Variants in MTUS2 observed in about 807,000 individuals in gnomAD.
MTUS2 encodes the protein microtubule associated scaffold protein 2.
MTUS2 carries 40 observed loss-of-function variants against 114.1 expected under a neutral mutation model. That is an observed-to-expected ratio of 0.35 (90% confidence interval 0.27 to 0.46). MTUS2 has a LOEUF of 0.46. MTUS2 is among the 20% of genes least tolerant of loss of function. The pLI is 1.00. For missense variants in MTUS2, 1,679 were observed against 1,705.4 expected (o/e 0.98, Z 0.27); for synonymous variants, 688 against 672.0 (o/e 1.02, Z -0.37).
In MTUS2 at chr13:29,480,437, A is replaced by G; in HGVS notation, c.3399+73A>G. On this transcript the variant is annotated intron_variant, in intron 10 of 15. Transcript: ENST00000612955. This position sits in a 1 kb window ranked among gnomAD's most constrained non-coding sequence, Gnocchi z 4.4. ...GCGGGCGGCGGGGATCCAGTGCCAC[A>G]TTAGCAAGAAGTCCTATTCAGTAGG... The G allele has an allele frequency of 7.0e-7, 1 of 1,422,210 alleles. No individual in the cohort carries two copies. The highest frequency in any genetic ancestry group is 2.5e-5 in the East Asian group (1 of 39,958). 88.1% of individuals were successfully genotyped at this position (1,422,210 alleles called of 1,614,324 possible). A position where few individuals can be genotyped will look rare whatever the true frequency, so the allele number is the denominator to read the frequency against.
chr13:28,956,064 A>G (rs1187240959), intron 2 of MTUS2, among the ~76,000 whole-genome samples: 1 of 66,508 alleles, frequency 1.5e-5, no homozygotes, highest in Non-Finnish European at 3.1e-5. Context: ...GCCCCCCCCC[A>G]TCCTTTCCCC....
At chr13:29,195,258 A>T (rs7999041) in intron 5 of MTUS2, among the ~76,000 whole-genome samples, 43 of 150,464 alleles carry the variant, frequency 2.9e-4, no homozygotes, top group African/African-American at 8.0e-4. Context: ...ATAAAATAAA[A>T]TAAAATAAAA....
intron 11 of MTUS2, chr13:29,489,911 C>G (rs562819496): frequency 2.9e-4 from 44 of 152,290 alleles, no homozygotes; most frequent in African/African-American, 1.0e-3. Flanking sequence ...GCTGGTCTCA[C>G]AAGAAAGAAC....
At chr13:29,277,472 T>C (rs989685454) in intron 5 of MTUS2, among the ~76,000 whole-genome samples, 6 of 152,228 alleles carry the variant, frequency 3.9e-5, no homozygotes, top group Admixed American at 6.5e-5. Flanking sequence ...TTCAAGGTTG[T>C]GATATTTGTC....
chr13:29,135,016 T>C (rs1489241337), intron 5 of MTUS2, among the ~76,000 whole-genome samples: 1 of 152,246 alleles, frequency 6.6e-6, no homozygotes, highest in Non-Finnish European at 1.5e-5. Flanking sequence ...TCCGAAAATA[T>C]TAAATGGACA....
intron 9 of MTUS2, among the ~76,000 whole-genome samples, chr13:29,474,882 T>TGTC (rs1880580329): frequency 6.6e-6 from 1 of 152,252 alleles, no homozygotes; most frequent in African/African-American, 2.4e-5. Context: ...ATATGTGTTC[T>TGTC]GTCTGTTTTA....
At chr13:29,469,626 C>CAAAA (rs768631653) in intron 9 of MTUS2, among the ~76,000 whole-genome samples, 20 of 117,792 alleles carry the variant, frequency 1.7e-4, no homozygotes, top group Middle Eastern at 4.3e-3. Context: ...GACTATGTCT[C>CAAAA]AAAAAAAAAA....
At chr13:29,057,869 T>C (rs1016938258) in intron 4 of MTUS2, among the ~76,000 whole-genome samples, 7 of 152,164 alleles carry the variant, frequency 4.6e-5, no homozygotes, top group African/African-American at 1.7e-4. Context: ...TTATGCAGAA[T>C]TGATTGTGTG....
chr13:28,918,736 G>C (rs1880882859), intron 2 of MTUS2, among the ~76,000 whole-genome samples: 1 of 151,720 alleles, frequency 6.6e-6, no homozygotes, highest in Non-Finnish European at 1.5e-5. Flanking sequence ...TTTGTTTTTT[G>C]CTTTGTGGTC....
At chr13:29,022,548 G>A (rs967981710) in intron 2 of MTUS2, among the ~76,000 whole-genome samples, 1 of 152,230 alleles carries the variant, frequency 6.6e-6, no homozygotes, top group African/African-American at 2.4e-5. Flanking sequence ...GAAAACAAGT[G>A]GGTGGCCACG....
chr13:29,497,547 G>A (rs982127840), intron 13 of MTUS2: 24 of 581,262 alleles, frequency 4.1e-5, no homozygotes, highest in African/African-American at 7.5e-5. Context: ...CTCCAGCTAC[G>A]TGTTATTTTT....
intron 2 of MTUS2, among the ~76,000 whole-genome samples, chr13:29,014,947 C>G (rs1026713671): frequency 2.6e-5 from 4 of 152,222 alleles, no homozygotes; most frequent in South Asian, 2.1e-4. Flanking sequence ...TCTTCTTCCT[C>G]CATAGAAAGG....
chr13:29,436,158 A>G (rs1462912907), intron 8 of MTUS2, among the ~76,000 whole-genome samples: 1 of 152,158 alleles, frequency 6.6e-6, no homozygotes, highest in Non-Finnish European at 1.5e-5. Context: ...GAAAAGCTTC[A>G]TGGTAATAAG....
At chr13:28,946,531 C>T (rs1351157506) in intron 2 of MTUS2, among the ~76,000 whole-genome samples, 1 of 152,170 alleles carries the variant, frequency 6.6e-6, no homozygotes, top group Admixed American at 6.5e-5. Flanking sequence ...ATAACAACAA[C>T]TATTATGTAA....
intron 2 of MTUS2, among the ~76,000 whole-genome samples, chr13:28,846,651 G>C (rs971865015): frequency 6.6e-6 from 1 of 152,178 alleles, no homozygotes; most frequent in Admixed American, 6.6e-5. Flanking sequence ...TGTAGAAGCA[G>C]TTCTTGTATA....
chr13:29,340,472 TG>T (rs1901336840), intron 7 of MTUS2, among the ~76,000 whole-genome samples: 1 of 152,194 alleles, frequency 6.6e-6, no homozygotes, highest in African/African-American at 2.4e-5. Context: ...TCTTCTAGGA[TG>T]GATGTTAATG....
intron 5 of MTUS2, among the ~76,000 whole-genome samples, chr13:29,158,940 G>A (rs944300234): frequency 8.5e-5 from 13 of 152,276 alleles, no homozygotes; most frequent in Admixed American, 2.6e-4. Flanking sequence ...GCCCAGGAAC[G>A]GGAGGGCTCA....
rs150995357 is a variant in MTUS2 at position 29,336,126 on chromosome 13, T to C, written c.2905+11415T>C. On this transcript the variant is annotated intron_variant, in intron 7 of 15. Coordinates refer to ENST00000612955, the MANE Select transcript of MTUS2 (RefSeq NM_001033602.4). Reference sequence around the variant, plus strand: ...TTCTTAGATTCCTTACCTTGCCTTCTGAAGCCTACTTCTGTCAGTTCGTCG... The same window carrying C: ...TTCTTAGATTCCTTACCTTGCCTTCCGAAGCCTACTTCTGTCAGTTCGTCG... Among the ~76,000 whole-genome samples, 52 of 152,206 alleles carry C rather than the reference T, an allele frequency of 3.4e-4. 1 individual carries two copies. The highest frequency in any genetic ancestry group is 6.3e-4 in the Non-Finnish European group (43 of 67,928).
intron 8 of MTUS2, among the ~76,000 whole-genome samples, chr13:29,366,428 A>C (rs756411876): frequency 1.3e-5 from 2 of 152,134 alleles, no homozygotes; most frequent in Admixed American, 6.5e-5. Context: ...GGAAGCTACA[A>C]TTCAAGATGA....
Sources: gnomAD v4.1 joint callset for allele counts (sites outside exome capture counted in the v4.1 genomes callset) on GRCh38, gnomAD v4.1.1 for gene constraint, Gnocchi (gnomAD v3.1) non-coding constraint, MANE v1.5 for transcripts, NCBI Gene and HGNC (gene_info 2026-07-23, HGNC 2026-07-21) for gene names.